The following PTPRD variants were observed in gnomAD, a reference collection of about 807,000 sequenced individuals.
The protein encoded by PTPRD is protein tyrosine phosphatase receptor type D, also known as receptor-type tyrosine-protein phosphatase delta.
A neutral mutation model predicts 214.5 loss-of-function variants in PTPRD; 34 were observed. The observed-to-expected ratio is 0.16, with a 90% CI of 0.12 to 0.21. PTPRD has a LOEUF of 0.21. Ranked by LOEUF, PTPRD falls within the 10% of genes least tolerant of loss-of-function variation. The probability of loss-of-function intolerance (pLI) is 1.00; values close to 1 mark genes in which losing one functional copy is unlikely to be tolerated. For missense variants in PTPRD, 2,545 were observed against 2,398.7 expected (o/e 1.06, Z -1.27); for synonymous variants, 1,128 against 845.7 (o/e 1.33, Z -5.79).
rs139662528 is a variant in PTPRD at position 8,550,207 on chromosome 9, A to C, written c.353-21428T>G. Among the ~76,000 whole-genome samples, 655 of 152,274 alleles carry C rather than the reference A, an allele frequency of 4.3e-3. 4 individuals carry two copies. Among genetic ancestry groups the C allele is most frequent in the Middle Eastern group, 0.034 (10 of 294 alleles). On this transcript the variant is annotated intron_variant, in intron 14 of 45. Coordinates refer to ENST00000381196, the MANE Select transcript of PTPRD (RefSeq NM_002839.4). Reference sequence around the variant, plus strand: ...GGCTTATGATTGCTCTGGCCTTTTAAATAGGCCTACATTCCAATATAAATA... The same window carrying C: ...GGCTTATGATTGCTCTGGCCTTTTACATAGGCCTACATTCCAATATAAATA...
At chr9:10,275,550 G>C (rs890619251) in intron 3 of PTPRD, among the ~76,000 whole-genome samples, 6 of 152,058 alleles carry the variant, frequency 3.9e-5, no homozygotes, top group Non-Finnish European at 1.5e-5. Context: ...ATCATAGATA[G>C]TGTTATATTT....
At chr9:10,357,905 T>A (rs1211028213) in intron 2 of PTPRD, among the ~76,000 whole-genome samples, 1 of 152,050 alleles carries the variant, frequency 6.6e-6, no homozygotes, top group African/African-American at 2.4e-5. Context: ...TAAACAGAAA[T>A]CAGATGGCTA....
intron 2 of PTPRD, among the ~76,000 whole-genome samples, chr9:10,453,010 T>A (rs1387792309): frequency 6.6e-6 from 1 of 151,706 alleles, no homozygotes; most frequent in Non-Finnish European, 1.5e-5. Flanking sequence ...GTGTGTGGTA[T>A]GAGTTTAATT....
At chr9:8,576,766 A>G (rs73421084) in intron 14 of PTPRD, among the ~76,000 whole-genome samples, 4,953 of 152,230 alleles carry the variant, frequency 0.033, 190 homozygotes, top group East Asian at 0.086. Context: ...ACCTTCACAG[A>G]TATGTTCCCT....
At chr9:8,402,901 C>G (rs1377770184) in intron 36 of PTPRD, among the ~76,000 whole-genome samples, 11 of 151,976 alleles carry the variant, frequency 7.2e-5, no homozygotes, top group Non-Finnish European at 8.8e-5. Flanking sequence ...CTCTTGAACA[C>G]TTAGTATCTG....
At position 8,518,218 on chromosome 9, in the gene PTPRD, G is replaced by C. The variant is rs774640196; in HGVS notation, c.1173C>G (p.Phe391Leu). Reference sequence around the variant, plus strand: ...CAATGTTATTGACAGCAACAACCCTGAATTCATAATCCGAGTAGGGACTTA... The same window carrying C: ...CAATGTTATTGACAGCAACAACCCTCAATTCATAATCCGAGTAGGGACTTA... ...AGLSPYSDYE[F>L]RVVAVNNIGR... The change falls in exon 21 of 46, where the codon TTC (phenylalanine) becomes TTG (leucine). Residue 391 changes from phenylalanine to leucine, a missense_variant. Coordinates refer to ENST00000381196, the MANE Select transcript of PTPRD (RefSeq NM_002839.4). The C allele has an allele frequency of 2.5e-6, 4 of 1,614,176 alleles. No individual in the cohort carries two copies. Among genetic ancestry groups the C allele is most frequent in the Non-Finnish European group, 3.4e-6 (4 of 1,180,014 alleles).
intron 44 of PTPRD, among the ~76,000 whole-genome samples, chr9:8,331,233 T>TATC (rs1468872816): frequency 6.6e-6 from 1 of 150,416 alleles, no homozygotes; most frequent in Non-Finnish European, 1.5e-5. Flanking sequence ...GAAAGACAGT[T>TATC]ATCAGTGCAT....
intron 5 of PTPRD, among the ~76,000 whole-genome samples, chr9:9,826,492 A>T (rs986816678): frequency 9.2e-5 from 14 of 151,948 alleles, no homozygotes; most frequent in African/African-American, 3.4e-4. Context: ...AAATTAGCTA[A>T]TCCAGAGACA....
At chr9:10,170,747 C>T (rs2099197945) in intron 3 of PTPRD, among the ~76,000 whole-genome samples, 1 of 152,128 alleles carries the variant, frequency 6.6e-6, no homozygotes, top group Non-Finnish European at 1.5e-5. Flanking sequence ...TGTATTATTC[C>T]AAATACAAAT....
chr9:9,193,515 G>A (rs2099936500), intron 9 of PTPRD, among the ~76,000 whole-genome samples: 1 of 151,938 alleles, frequency 6.6e-6, no homozygotes, highest in Non-Finnish European at 1.5e-5. Context: ...AAACTTAGGT[G>A]GTATAGCCTA....
chr9:10,181,963 A>G (rs935682193), intron 3 of PTPRD, among the ~76,000 whole-genome samples: 2 of 149,358 alleles, frequency 1.3e-5, no homozygotes, highest in Non-Finnish European at 3.0e-5. Context: ...AAAAAAAAAA[A>G]AAAAAGGAAT....
intron 3 of PTPRD, among the ~76,000 whole-genome samples, chr9:10,127,106 T>G (rs1298088340): frequency 6.6e-6 from 1 of 152,130 alleles, no homozygotes; most frequent in Non-Finnish European, 1.5e-5. Flanking sequence ...AATCCAGCAG[T>G]GTATCCTTAC....
chr9:8,980,070 C>A (rs1479029651), intron 11 of PTPRD, among the ~76,000 whole-genome samples: 1 of 152,066 alleles, frequency 6.6e-6, no homozygotes, highest in African/African-American at 2.4e-5. Flanking sequence ...GAAATCCTGC[C>A]ATTTGCCATA....
chr9:10,079,948 T>C (rs76079620), intron 3 of PTPRD, among the ~76,000 whole-genome samples: 4 of 148,290 alleles, frequency 2.7e-5, no homozygotes, highest in East Asian at 2.0e-4. Context: ...TTTTTTTTTT[T>C]CCAGCTTGGT....
chr9:9,943,722 T>C (rs2092057099), intron 4 of PTPRD, among the ~76,000 whole-genome samples: 2 of 152,092 alleles, frequency 1.3e-5, no homozygotes, highest in African/African-American at 4.8e-5. Flanking sequence ...ATTGTGCAGT[T>C]CTCTAGAGGA....
chr9:8,782,221 G>T (rs537659499), intron 11 of PTPRD, among the ~76,000 whole-genome samples: 1 of 152,012 alleles, frequency 6.6e-6, no homozygotes, highest in South Asian at 2.1e-4. Context: ...ATATATTGTG[G>T]AATGGATCAA....
At chr9:10,386,027 G>T (rs897488393) in intron 2 of PTPRD, among the ~76,000 whole-genome samples, 21 of 151,362 alleles carry the variant, frequency 1.4e-4, no homozygotes, top group Middle Eastern at 3.2e-3. Flanking sequence ...TTCTTTAAAA[G>T]AAATAAAAAT....
chr9:8,342,748 G>C (rs1588155587), intron 39 of PTPRD, among the ~76,000 whole-genome samples: 1 of 152,048 alleles, frequency 6.6e-6, no homozygotes, highest in East Asian at 1.9e-4. Flanking sequence ...ACTCTGCTAA[G>C]TGAAATAGGG....
chr9:10,352,713 G>A (rs953402913), intron 2 of PTPRD, among the ~76,000 whole-genome samples: 1 of 151,998 alleles, frequency 6.6e-6, no homozygotes, highest in African/African-American at 2.4e-5. Context: ...ATTATTCAAT[G>A]ATGAAGTGGT....
Sources: allele counts gnomAD v4.1 joint callset (sites outside exome capture counted in the v4.1 genomes callset), GRCh38; gene constraint gnomAD v4.1.1; transcripts MANE v1.5; gene names NCBI Gene and HGNC (gene_info 2026-07-23, HGNC 2026-07-21).